TIAM2: variants seen among roughly 807,000 people sequenced by gnomAD.
The protein encoded by TIAM2 is TIAM Rac1 associated GEF 2.
A neutral mutation model predicts 152.9 loss-of-function variants in TIAM2; 80 were observed. The observed-to-expected ratio is 0.52, with a 90% CI of 0.44 to 0.63. TIAM2 has a LOEUF of 0.63. TIAM2 is among the 30% of genes least tolerant of loss of function. The pLI is 0.00. For missense variants in TIAM2, 1,965 were observed against 2,120.1 expected (o/e 0.93, Z 1.44); for synonymous variants, 804 against 838.0 (o/e 0.96, Z 0.70).
chr6:155,129,572 C>T lies in TIAM2; in HGVS notation c.349C>T (p.His117Tyr). The change falls in exon 4 of 27, where the codon CAC (histidine) becomes TAC (tyrosine). Residue 117 changes from histidine (H) to tyrosine (Y), a missense_variant. This residue lies in a region of TIAM2 where 1,025 missense variants were observed against 1,119.4 expected (regional missense o/e 0.92). Coordinates refer to ENST00000682666, the MANE Select transcript of TIAM2 (RefSeq NM_012454.4). This position sits in a 1 kb window ranked among gnomAD's most constrained non-coding sequence, Gnocchi z 4.8. ...SAAFSTENGF[H>Y]SVGHELADNH... ...TGCTTTCTCAACTGAGAATGGCTTC[C>T]ACTCTGTTGGCCACGAGCTGGCAGA... 1 of 1,614,164 alleles carries T rather than the reference C, an allele frequency of 6.2e-7. No individual in the cohort carries two copies. The highest frequency in any genetic ancestry group is 1.7e-5 in the Admixed American group (1 of 60,022).
chr6:155,180,264 C>T (rs916914119), intron 12 of TIAM2, among the ~76,000 whole-genome samples: 31 of 152,176 alleles, frequency 2.0e-4, no homozygotes, highest in Non-Finnish European at 3.4e-4. Flanking sequence ...CTAGCCTGGG[C>T]GACAAGAGCG....
At chr6:155,163,532 C>T (rs1780329129) in intron 7 of TIAM2, among the ~76,000 whole-genome samples, 2 of 152,166 alleles carry the variant, frequency 1.3e-5, no homozygotes, top group African/African-American at 4.8e-5. Flanking sequence ...TAAACAGCTG[C>T]ATATACTTTA....
chr6:155,166,409 T>C (rs1282225611), intron 9 of TIAM2, among the ~76,000 whole-genome samples: 1 of 151,714 alleles, frequency 6.6e-6, no homozygotes, highest in Admixed American at 6.6e-5. Context: ...CCGCAACCTC[T>C]GCCTCCTGGG....
chr6:155,133,093 G>A (rs774983802), intron 4 of TIAM2, among the ~76,000 whole-genome samples: 1 of 152,180 alleles, frequency 6.6e-6, no homozygotes, highest in Non-Finnish European at 1.5e-5. Flanking sequence ...GGTGGCTCAC[G>A]CCTGTCATCC....
Position 155,137,484 on chromosome 6 carries a change from A to G in TIAM2, c.1502A>G (p.Glu501Gly). 6.2e-7 allele frequency: 1 copy of G among 1,614,200 alleles called. No homozygotes were observed. Reference protein sequence around the residue: ...SSLEQLDLLFEKEQGVVRKAG... With the variant: ...SSLEQLDLLFGKEQGVVRKAG... ...CTGGAACAGCTGGATCTGCTCTTTG[A>G]GAAGGAACAGGGGGTGGTCCGGAAG... The change falls in exon 5 of 27, where the codon GAG becomes GGG. Residue 501 changes from glutamate to glycine, a missense_variant. By Grantham distance (98) the Glu-to-Gly change is moderately conservative (BLOSUM62 -2). This residue lies in a region of TIAM2 where 1,025 missense variants were observed against 1,119.4 expected (regional missense o/e 0.92). Transcript: ENST00000682666.
At chr6:155,061,476 A>C (rs1777578335) in intron 1 of TIAM2, among the ~76,000 whole-genome samples, 1 of 151,584 alleles carries the variant, frequency 6.6e-6, no homozygotes, top group Non-Finnish European at 1.5e-5. Flanking sequence ...TCGTATTTAT[A>C]ACTTCTTTTT....
chr6:155,184,164 T>C (rs1412191441), intron 14 of TIAM2, among the ~76,000 whole-genome samples: 1 of 152,036 alleles, frequency 6.6e-6, no homozygotes, highest in Non-Finnish European at 1.5e-5. Flanking sequence ...AATTTTTGCA[T>C]TTTTAGTAGA....
At position 155,257,178 on chromosome 6, in the gene TIAM2, A is replaced by C. The variant is rs1466995716; in HGVS notation, c.*57A>C. The C allele has an allele frequency of 7.3e-7, 1 of 1,362,986 alleles. No individual in the cohort carries two copies. The highest frequency in any genetic ancestry group is 1.0e-6 in the Non-Finnish European group (1 of 991,926). 84.4% of individuals were successfully genotyped at this position (1,362,986 alleles called of 1,614,324 possible). On this transcript the variant is annotated 3_prime_UTR_variant, in exon 27 of 27. Transcript: ENST00000682666. ...TCATTTTACTTTTAAACTGGTGGTA[A>C]AGTGGAAATTGCAAAAAAAAAAAAA...
At chr6:155,251,705 AC>A (rs1261239246) in intron 22 of TIAM2, among the ~76,000 whole-genome samples, 1 of 152,372 alleles carries the variant, frequency 6.6e-6, no homozygotes, top group East Asian at 1.9e-4. Flanking sequence ...TTTCAATAAA[AC>A]AAAGAGTTTA....
Position 155,179,995 on chromosome 6 carries a change from G to T in TIAM2, c.2707+539G>T, listed in dbSNP as rs551070146. ...TCTTCCCTGAGTTTAACAGTTGAGGGTCAGCTGGGCGCCGTGGCTCATGCC... is the reference window on the plus strand; with the variant it reads ...TCTTCCCTGAGTTTAACAGTTGAGGTTCAGCTGGGCGCCGTGGCTCATGCC... On this transcript the variant is annotated intron_variant, in intron 12 of 26. Coordinates refer to ENST00000682666, the MANE Select transcript of TIAM2 (RefSeq NM_012454.4). Among the ~76,000 whole-genome samples the T allele has an allele frequency of 9.7e-4, 147 of 152,262 alleles. 1 individual carries two copies. Among genetic ancestry groups the T allele is most frequent in the Non-Finnish European group, 1.8e-3 (121 of 68,018 alleles).
intron 15 of TIAM2, among the ~76,000 whole-genome samples, chr6:155,217,671 G>A (rs1781895042): frequency 6.6e-6 from 1 of 152,162 alleles, no homozygotes; most frequent in Non-Finnish European, 1.5e-5. Flanking sequence ...ACCTAGTGTC[G>A]CTTTGGCAGG....
chr6:155,245,912 T>C (rs1437227085), intron 19 of TIAM2, among the ~76,000 whole-genome samples, 181 bp downstream of exon 19: 3 of 152,196 alleles, frequency 2.0e-5, no homozygotes, highest in African/African-American at 7.2e-5. Flanking sequence ...AGTTAATTAG[T>C]AGCTGGGAAC....
At chr6:155,147,467 C>T (rs1484694771) in intron 6 of TIAM2, among the ~76,000 whole-genome samples, 2 of 151,862 alleles carry the variant, frequency 1.3e-5, no homozygotes, top group Non-Finnish European at 2.9e-5. Context: ...CCACCACACC[C>T]GGCTAATTTT....
At chr6:155,151,829 TTTTTTTTTTC>T (rs1259527512) in intron 7 of TIAM2, among the ~76,000 whole-genome samples, 25 of 37,288 alleles carry the variant, frequency 6.7e-4, no homozygotes, top group African/African-American at 1.0e-3. Context: ...CTATAGAATC[TTTTTTTTTTC>T]TTTTTTTTTC....
At chr6:155,026,237 A>G (rs898503984) in intron 1 of TIAM2, among the ~76,000 whole-genome samples, 2 of 152,198 alleles carry the variant, frequency 1.3e-5, no homozygotes, top group African/African-American at 4.8e-5. Flanking sequence ...ACACCATAAA[A>G]TGTTAAACAG....
chr6:155,165,312 C>T lies in TIAM2; in HGVS notation c.2264C>T (p.Thr755Ile). 1.2e-6 allele frequency: 2 copies of T among 1,614,050 alleles called. No individual in the cohort carries two copies. The highest frequency in any genetic ancestry group is 1.7e-5 in the Admixed American group (1 of 60,006). ...CTCCGGAAAAGGACACTGTCACTGA[C>T]CCAGCGAGGGAGAAACAAGAAGGGA... is the stretch of plus-strand genomic sequence containing the variant. ...SALRKRTLSL[T>I]QRGRNKKGIF... Residue 755 changes from threonine (T) to isoleucine (I), a missense_variant, in exon 9 of 27, where the codon ACC (threonine) becomes ATC (isoleucine). Around this residue, in one of 3 missense-constraint regions of TIAM2, gnomAD observed 1,025 missense variants for 1,119.4 expected, o/e 0.92. Coordinates refer to ENST00000682666, the MANE Select transcript of TIAM2 (RefSeq NM_012454.4).
intron 15 of TIAM2, among the ~76,000 whole-genome samples, chr6:155,238,141 C>G (rs1400883659): frequency 6.6e-6 from 1 of 152,236 alleles, no homozygotes; most frequent in African/African-American, 2.4e-5. Flanking sequence ...CTTAAATCAT[C>G]TCTCAAGTTC....
chr6:155,039,189 G>C (rs1287188157), intron 1 of TIAM2, among the ~76,000 whole-genome samples: 2 of 151,622 alleles, frequency 1.3e-5, no homozygotes, highest in African/African-American at 4.8e-5. Flanking sequence ...TTGAACTCCT[G>C]GGTTCAAGCG....
rs141188899 is a variant in TIAM2 at position 155,199,526 on chromosome 6, A to G, written c.3065-11678A>G. Among the ~76,000 whole-genome samples the G allele has an allele frequency of 4.9e-3, 747 of 152,322 alleles. 4 individuals carry two copies. The highest frequency in any genetic ancestry group is 0.017 in the African/African-American group (712 of 41,570). ...GTTCCTGGCTTTTTCGTCTGTGACC[A>G]TGGGCAGGTTACTATAACTATTTTC... On this transcript the variant is annotated intron_variant, in intron 14 of 26. Transcript: ENST00000682666.
Sources: allele counts gnomAD v4.1 joint callset (sites outside exome capture counted in the v4.1 genomes callset), GRCh38; gene constraint gnomAD v4.1.1; regional missense constraint gnomAD v4.1.1; non-coding constraint Gnocchi (gnomAD v3.1); transcripts MANE v1.5; gene names NCBI Gene and HGNC (gene_info 2026-07-23, HGNC 2026-07-21).